DNAH9: variants seen among roughly 807,000 people sequenced by gnomAD.
DNAH9 encodes DNAH9 variant protein.
In DNAH9, 345 loss-of-function variants were observed where a neutral mutation model predicts 471.6. That is an observed-to-expected ratio of 0.73 (90% confidence interval 0.67 to 0.80). The LOEUF is 0.80. Ranked by LOEUF, DNAH9 falls within the 30% of genes least tolerant of loss-of-function variation. The probability of loss-of-function intolerance (pLI) is 0.00; values close to 1 mark genes in which losing one functional copy is unlikely to be tolerated. For missense variants in DNAH9, 5,407 were observed against 5,609.2 expected (o/e 0.96, Z 1.15); for synonymous variants, 2,093 against 2,123.6 (o/e 0.99, Z 0.40).
intron 19 of DNAH9, among the ~76,000 whole-genome samples, chr17:11,686,819 C>T (rs1548718): frequency 0.72 from 109,289 of 152,094 alleles, 40,912 homozygotes; most frequent in East Asian, 0.88. Flanking sequence ...TAGCTCCTAT[C>T]TTACCTAAAA....
chr17:11,811,984 T>A (rs1597681102), intron 45 of DNAH9, among the ~76,000 whole-genome samples: 1 of 62,464 alleles, frequency 1.6e-5, no homozygotes. Context: ...AGTGAGACTC[T>A]GTCTCAAAAA....
At chr17:11,837,740 C>T (rs1230913662) in intron 49 of DNAH9, among the ~76,000 whole-genome samples, 2 of 152,192 alleles carry the variant, frequency 1.3e-5, no homozygotes, top group Non-Finnish European at 2.9e-5. Context: ...AAGATGTCAC[C>T]ATGGCCTAAA....
At chr17:11,857,777 G>A (rs899887830) in intron 50 of DNAH9, among the ~76,000 whole-genome samples, 3 of 152,142 alleles carry the variant, frequency 2.0e-5, no homozygotes, top group African/African-American at 7.2e-5. Flanking sequence ...TTATGACAGT[G>A]AGTGAGTTCT....
intron 67 of DNAH9, among the ~76,000 whole-genome samples, chr17:11,949,630 C>T (rs142397776): frequency 0.035 from 5,329 of 152,062 alleles, 305 homozygotes; most frequent in African/African-American, 0.12. Flanking sequence ...TACAGGCATG[C>T]GCCAGCATGC....
chr17:11,780,914 G>T, intron 38 of DNAH9, 95 bp from the exon 39 acceptor site: 1 of 1,340,422 alleles, frequency 7.5e-7, no homozygotes, highest in South Asian at 1.4e-5. Context: ...CACACATGAA[G>T]GCAGCACCAT....
At chr17:11,789,167 G>A (rs116815013) in intron 41 of DNAH9, among the ~76,000 whole-genome samples, 2,806 of 151,970 alleles carry the variant, frequency 0.018, 80 homozygotes, top group African/African-American at 0.064. Context: ...GTATTCATAA[G>A]ATTGTCTTGT....
intron 50 of DNAH9, among the ~76,000 whole-genome samples, chr17:11,866,753 G>A (rs182014558): frequency 1.3e-3 from 204 of 152,316 alleles, no homozygotes; most frequent in South Asian, 3.9e-3. Flanking sequence ...CCTCGCTGCC[G>A]CCTTGCAGTT....
chr17:11,910,749 G>A (rs1229491526), intron 61 of DNAH9, among the ~76,000 whole-genome samples: 4 of 152,196 alleles, frequency 2.6e-5, no homozygotes, highest in Non-Finnish European at 4.4e-5. Flanking sequence ...ACCATAGTGG[G>A]TATGCAGTGG....
chr17:11,629,971 T>C (rs553531272), intron 7 of DNAH9, among the ~76,000 whole-genome samples: 79 of 151,962 alleles, frequency 5.2e-4, no homozygotes, highest in African/African-American at 1.9e-3. Context: ...GTCTCAACTA[T>C]ATGAGGCATC....
intron 67 of DNAH9, among the ~76,000 whole-genome samples, chr17:11,946,011 C>G (rs527608211): frequency 6.6e-6 from 1 of 151,912 alleles, no homozygotes; most frequent in Non-Finnish European, 1.5e-5. Flanking sequence ...CAAGCCTGGC[C>G]AACATGGTGA....
intron 61 of DNAH9, among the ~76,000 whole-genome samples, chr17:11,923,045 G>A (rs1305454971): frequency 2.1e-5 from 2 of 94,056 alleles, no homozygotes; most frequent in African/African-American, 6.7e-5. Flanking sequence ...GTCTGAACAA[G>A]TGCTTCTTTT....
At chr17:11,700,563 TC>T (rs1323919387) in intron 23 of DNAH9, among the ~76,000 whole-genome samples, 7 of 152,284 alleles carry the variant, frequency 4.6e-5, no homozygotes, top group Non-Finnish European at 7.4e-5. Flanking sequence ...GGGATTCTCA[TC>T]TAGTGCCAAA....
At chr17:11,662,095 T>C (rs1349145552) in intron 14 of DNAH9, among the ~76,000 whole-genome samples, 1 of 152,164 alleles carries the variant, frequency 6.6e-6, no homozygotes, top group Non-Finnish European at 1.5e-5. Flanking sequence ...CACAATTGTG[T>C]TTATAGTTTT....
Position 11,610,475 on chromosome 17 carries a change from C to G in DNAH9, c.694C>G (p.Leu232Val). 1 of 1,613,712 alleles carries G rather than the reference C, an allele frequency of 6.2e-7. No homozygotes were observed. The highest frequency in any genetic ancestry group is 8.5e-7 in the Non-Finnish European group (1 of 1,179,866). Reference protein sequence around the residue: ...IKWSYQVQVVLKRESSQPLLQ... With the variant: ...IKWSYQVQVVVKRESSQPLLQ... ...ATGGAGCTACCAAGTCCAGGTGGTACTCAAGAGAGAGTCTTCCCAGCCACT... is the reference window on the plus strand; with the variant it reads ...ATGGAGCTACCAAGTCCAGGTGGTAGTCAAGAGAGAGTCTTCCCAGCCACT... The change falls in exon 3 of 69, where the codon CTC becomes GTC. Residue 232 changes from leucine (L) to valine (V), a missense_variant. By Grantham distance (32) the Leu-to-Val change is conservative. Transcript: ENST00000262442.
Position 11,689,870 on chromosome 17 carries a change from G to A in DNAH9, c.4048G>A (p.Val1350Ile), listed in dbSNP as rs764103669. The A allele has an allele frequency of 3.7e-6, 6 of 1,609,626 alleles. No individual in the cohort carries two copies. The highest frequency in any genetic ancestry group is 1.1e-5 in the South Asian group (1 of 90,580). The change falls in exon 20 of 69, where the codon GTC (valine) becomes ATC (isoleucine). Residue 1350 changes from valine to isoleucine, a missense_variant. Physicochemically the swap from Val to Ile is conservative, Grantham distance 29. Around this residue, in one of 3 missense-constraint regions of DNAH9, gnomAD observed 4,636 missense variants for 4,900.3 expected, o/e 0.95. Transcript: ENST00000262442. ...ARHIRNLDKE[V>I]RAWDAFTGLE... ...GCATATCCGAAACCTGGACAAGGAG[G>A]TCAGGGCCTGGGATGCATTCACAGG... is the stretch of plus-strand genomic sequence containing the variant.
At chr17:11,943,831 C>T (rs191568285) in intron 67 of DNAH9, among the ~76,000 whole-genome samples, 278 of 152,256 alleles carry the variant, frequency 1.8e-3, no homozygotes, top group African/African-American at 6.5e-3. Flanking sequence ...TGTTTGGTAA[C>T]GTTTCCAAAT....
intron 66 of DNAH9, among the ~76,000 whole-genome samples, chr17:11,938,057 A>G (rs1974771225): frequency 6.6e-6 from 1 of 152,156 alleles, no homozygotes; most frequent in African/African-American, 2.4e-5. Flanking sequence ...GGACTTCCTG[A>G]AATTTTAGGA....
chr17:11,919,456 C>T (rs1597826445), intron 61 of DNAH9, among the ~76,000 whole-genome samples: 1 of 139,696 alleles, frequency 7.2e-6, no homozygotes, highest in East Asian at 2.1e-4. Flanking sequence ...GATTGTGCCA[C>T]TGCACTCCAG....
intron 66 of DNAH9, among the ~76,000 whole-genome samples, chr17:11,942,089 T>C (rs954454893): frequency 3.9e-5 from 6 of 152,170 alleles, no homozygotes; most frequent in Non-Finnish European, 8.8e-5. Flanking sequence ...TCCCAGGAAC[T>C]TGGCCAGCCT....
Sources: gnomAD v4.1 joint callset for allele counts (sites outside exome capture counted in the v4.1 genomes callset) on GRCh38, gnomAD v4.1.1 for gene constraint, gnomAD v4.1.1 regional missense constraint, MANE v1.5 for transcripts, NCBI Gene and HGNC (gene_info 2026-07-23, HGNC 2026-07-21) for gene names.